NLK: variants seen among roughly 807,000 people sequenced by gnomAD.
NLK encodes the protein nemo like kinase.
NLK carries 11 observed loss-of-function variants against 59.0 expected under a neutral mutation model. That is an observed-to-expected ratio of 0.19 (90% confidence interval 0.12 to 0.31). The LOEUF is 0.31. Among genes scored for constraint, NLK ranks in the 10% least tolerant of loss-of-function variants. NLK has a pLI of 1.00. For synonymous variants in NLK, 235 were observed against 235.9 expected, an observed-to-expected ratio of 1.00 and a Z score of 0.03; for missense variants, 410 against 661.1, an observed-to-expected ratio of 0.62 and a Z score of 4.16.
At chr17:28,074,280 C>T (rs1910101032) in intron 1 of NLK, among the ~76,000 whole-genome samples, 1 of 152,182 alleles carries the variant, frequency 6.6e-6, no homozygotes, top group African/African-American at 2.4e-5. Context: ...CCATGACACA[C>T]ATTTGCCTAT....
chr17:28,173,133 C>T (rs1282881996), intron 7 of NLK, among the ~76,000 whole-genome samples: 2 of 152,188 alleles, frequency 1.3e-5, no homozygotes, highest in Non-Finnish European at 2.9e-5. Flanking sequence ...CTAGCCAAGT[C>T]ACTGCTGAGA....
Position 28,194,983 on chromosome 17 carries a change from TCACACA to T in NLK, c.*374_*379del, listed in dbSNP as rs35187605. The T allele has an allele frequency of 1.1e-4, 18 of 158,370 alleles. No homozygotes were observed. Among genetic ancestry groups the T allele is most frequent in the South Asian group, 2.0e-4 (1 of 5,012 alleles). The allele number at this position is 158,370 out of a possible 1,614,324, so 9.8% of individuals were successfully genotyped here. A position where few individuals can be genotyped will look rare whatever the true frequency, so the allele number is the denominator to read the frequency against. The stretch of plus-strand genomic sequence containing the variant: ...CTTTTCTAAAATGAAGTGAGATTGT[TCACACA>T]CACACACACACACACACACACACAC... On this transcript the variant is annotated 3_prime_UTR_variant, in exon 11 of 11. Transcript: ENST00000407008.
chr17:28,184,652 G>A (rs1909044984), intron 7 of NLK, among the ~76,000 whole-genome samples: 1 of 152,140 alleles, frequency 6.6e-6, no homozygotes, highest in South Asian at 2.1e-4. Flanking sequence ...ATCATGCAAT[G>A]TAAAAATCTA....
Position 28,042,959 on chromosome 17 carries a change from A to G in NLK, c.86A>G (p.His29Arg). ...GTSAAAAGHH[H>R]HHHHHLPHLP... The stretch of plus-strand genomic sequence containing the variant: ...TCTGCAGCAGCAGCAGGTCACCACC[A>G]CCACCATCACCACCACCTTCCACAC... Residue 29 changes from histidine to arginine, a missense_variant, in exon 1 of 11, where the codon CAC becomes CGC. Physicochemically the swap from His to Arg is conservative, Grantham distance 29. Coordinates refer to ENST00000407008, the MANE Select transcript of NLK (RefSeq NM_016231.5). The G allele has an allele frequency of 6.4e-7, 1 of 1,553,996 alleles. No homozygotes were observed. The highest frequency in any genetic ancestry group is 8.7e-7 in the Non-Finnish European group (1 of 1,148,420).
intron 1 of NLK, among the ~76,000 whole-genome samples, chr17:28,103,010 A>C (rs1567714497): frequency 6.6e-6 from 1 of 152,224 alleles, no homozygotes; most frequent in Non-Finnish European, 1.5e-5. Flanking sequence ...GCAACTCTGC[A>C]ATTTCTAACA....
At chr17:28,076,642 A>G (rs1484164277) in intron 1 of NLK, among the ~76,000 whole-genome samples, 1 of 152,136 alleles carries the variant, frequency 6.6e-6, no homozygotes, top group East Asian at 1.9e-4. Flanking sequence ...AGAAATTTTG[A>G]TATTTTTCCT....
chr17:28,089,668 A>G (rs1904411563), intron 1 of NLK, among the ~76,000 whole-genome samples: 1 of 152,112 alleles, frequency 6.6e-6, no homozygotes, highest in African/African-American at 2.4e-5. Context: ...TGGTTTTACC[A>G]CCTCACATTT....
intron 3 of NLK, among the ~76,000 whole-genome samples, chr17:28,136,985 CT>C (rs369856892): frequency 3.3e-5 from 5 of 149,838 alleles, no homozygotes; most frequent in Non-Finnish European, 7.4e-5. Flanking sequence ...TCAGTTTCCT[CT>C]TTTTTTCTCC....
Position 28,061,817 on chromosome 17 carries a change from AATATATAC to A in NLK, c.458+18500_458+18507del, listed in dbSNP as rs1416404220. On this transcript the variant is annotated intron_variant, in intron 1 of 10. Coordinates refer to ENST00000407008, the MANE Select transcript of NLK (RefSeq NM_016231.5). ...TATACATATATACATATACATATAT[AATATATAC>A]ATATATACATATACATATATATAAT... 884 of 146,332 alleles carry A rather than the reference AATATATAC, an allele frequency of 6.0e-3. 11 individuals carry two copies. Among genetic ancestry groups the A allele is most frequent in the African/African-American group, 0.02 (816 of 40,182 alleles). 9.1% of individuals were successfully genotyped at this position (146,332 alleles called of 1,614,324 possible).
At chr17:28,068,549 T>G (rs2142754676) in intron 1 of NLK, among the ~76,000 whole-genome samples, 1 of 152,362 alleles carries the variant, frequency 6.6e-6, no homozygotes, top group Non-Finnish European at 1.5e-5. Context: ...TTGTTGAGAT[T>G]TACCTTGTGG....
At chr17:28,081,532 G>GA (rs1197949122) in intron 1 of NLK, among the ~76,000 whole-genome samples, 3 of 151,278 alleles carry the variant, frequency 2.0e-5, no homozygotes, top group Admixed American at 6.6e-5. Context: ...CACTCTTTAG[G>GA]AAAAAAAATA....
chr17:28,184,335 T>C (rs922804434), intron 7 of NLK, among the ~76,000 whole-genome samples: 2 of 152,240 alleles, frequency 1.3e-5, no homozygotes, highest in African/African-American at 4.8e-5. Flanking sequence ...TTTTAAAACC[T>C]TTCAATCTTT....
chr17:28,050,058 G>A (rs977904645), intron 1 of NLK, among the ~76,000 whole-genome samples: 3 of 152,198 alleles, frequency 2.0e-5, no homozygotes, highest in Non-Finnish European at 2.9e-5. Context: ...GCACTGTGCT[G>A]GAGATAAGGA....
At chr17:28,111,223 A>G (rs1295347721) in intron 1 of NLK, among the ~76,000 whole-genome samples, 6 of 140,308 alleles carry the variant, frequency 4.3e-5, no homozygotes, top group East Asian at 2.3e-4. Flanking sequence ...GTCTCGATCT[A>G]TTGCCCAGGC....
At chr17:28,185,145 C>A in intron 7 of NLK, 34 bp from the exon 8 acceptor site, 1 of 1,297,374 alleles carries the variant, frequency 7.7e-7, no homozygotes, top group South Asian at 1.4e-5. Flanking sequence ...CACAAAGACT[C>A]ACTTAAATAT....
intron 8 of NLK, among the ~76,000 whole-genome samples, chr17:28,190,581 A>G (rs1487097261): frequency 6.6e-6 from 1 of 152,094 alleles, no homozygotes; most frequent in African/African-American, 2.4e-5. Context: ...TGGTATTCTA[A>G]GAGAATAAAA....
chr17:28,180,617 T>C (rs1229469264), intron 7 of NLK, among the ~76,000 whole-genome samples: 4 of 152,200 alleles, frequency 2.6e-5, no homozygotes, highest in African/African-American at 9.6e-5. Flanking sequence ...AGTGTTCCCT[T>C]TGCTAAGCTA....
At chr17:28,198,560 A>T (rs1455554058), downstream of NLK, among the ~76,000 whole-genome samples, 1 of 152,058 alleles carries the variant, frequency 6.6e-6, no homozygotes, top group African/African-American at 2.4e-5. Flanking sequence ...CCTGACCTCA[A>T]ATGATCCACC....
chr17:28,108,634 ATGT>A (rs1252729803), intron 1 of NLK, among the ~76,000 whole-genome samples: 1 of 152,248 alleles, frequency 6.6e-6, no homozygotes, highest in Non-Finnish European at 1.5e-5. Flanking sequence ...CTTTAACATA[ATGT>A]TCTGTGTATA....
Sources: allele counts gnomAD v4.1 joint callset (sites outside exome capture counted in the v4.1 genomes callset), GRCh38; gene constraint gnomAD v4.1.1; transcripts MANE v1.5; gene names NCBI Gene and HGNC (gene_info 2026-07-23, HGNC 2026-07-21).